Variants in LOXHD1 observed in about 807,000 individuals in gnomAD.
LOXHD1 encodes the protein lipoxygenase homology domain-containing protein 1.
A neutral mutation model predicts 248.2 loss-of-function variants in LOXHD1; 205 were observed. That is an observed-to-expected ratio of 0.83 (90% CI 0.74 to 0.93). The LOEUF is 0.93. Ranked by LOEUF, LOXHD1 falls within the 40% of genes least tolerant of loss-of-function variation. The pLI, the probability that LOXHD1 is intolerant of heterozygous loss-of-function variation, is 0.00. For missense variants in LOXHD1, 2,930 were observed against 2,971.6 expected (o/e 0.99, Z 0.33); for synonymous variants, 1,113 against 1,162.8 (o/e 0.96, Z 0.87).
chr18:46,656,987 A>G lies in LOXHD1; in HGVS notation c.47T>C (p.Leu16Pro). 1.3e-6 allele frequency: 2 copies of G among 1,551,644 alleles called. No homozygotes were observed. The highest frequency in any genetic ancestry group is 1.7e-6 in the Non-Finnish European group (2 of 1,146,948). Residue 16 changes from leucine to proline, a missense_variant, in exon 1 of 41, where the codon CTG becomes CCG. Coordinates refer to ENST00000642948, the MANE Select transcript of LOXHD1 (RefSeq NM_001384474.1). ...CAGCAGCTCCGCTTCGTACAGGGCC[A>G]GGAAGTCGATGTCCTTCTTCCTCCG... ...KRRRKKDIDFLALYEAELLNY... is the reference protein window; with the variant it reads ...KRRRKKDIDFPALYEAELLNY...
intron 20 of LOXHD1, chr18:46,557,875 C>A: frequency 1.7e-6 from 2 of 1,155,246 alleles, no homozygotes; most frequent in Non-Finnish European, 2.1e-6. Flanking sequence ...GCATAATCTG[C>A]TTCAATCACA....
rs1031466610 is a variant in LOXHD1, at chr18:46,507,683, G to A, written c.5547C>T (p.Asp1849=). The change falls in exon 36 of 41, where the codon GAC becomes GAT. Residue 1849 remains aspartate (D), a synonymous_variant. Transcript: ENST00000642948. ...AGTCTCCATAGTAGAACATGGTCAGGTCTCCAGTGTTCATGTTCTTCAGTA... is the reference window on the plus strand; with the variant it reads ...AGTCTCCATAGTAGAACATGGTCAGATCTCCAGTGTTCATGTTCTTCAGTA... ...RILLKNMNTG[D]LTMFYYGDWL... 3.9e-6 allele frequency: 6 copies of A among 1,551,678 alleles called. No individual in the cohort carries two copies. In the African/African-American group the frequency reaches 6.8e-5, roughly 18 times the overall value.
intron 37 of LOXHD1, among the ~76,000 whole-genome samples, chr18:46,502,293 T>G (rs999736594): frequency 6.6e-6 from 1 of 152,142 alleles, no homozygotes; most frequent in Non-Finnish European, 1.5e-5. Flanking sequence ...CTGAAAGGAC[T>G]CTGGAAGGTT....
intron 37 of LOXHD1, among the ~76,000 whole-genome samples, chr18:46,490,692 C>A (rs1218798811): frequency 6.6e-6 from 1 of 152,224 alleles, no homozygotes; most frequent in Admixed American, 6.5e-5. Context: ...TCAGGCTGGT[C>A]TCGAACTCCC....
At chr18:46,579,297 C>T (rs1270553634) in intron 13 of LOXHD1, among the ~76,000 whole-genome samples, 1 of 152,180 alleles carries the variant, frequency 6.6e-6, no homozygotes, top group Non-Finnish European at 1.5e-5. Context: ...GCTCTCTTCT[C>T]AAAGCTCAGG....
intron 4 of LOXHD1, among the ~76,000 whole-genome samples, chr18:46,637,014 T>C (rs1030750818): frequency 2.6e-5 from 4 of 151,954 alleles, no homozygotes; most frequent in Admixed American, 1.3e-4. Context: ...GGTGTGGTGG[T>C]GTACACCTGT....
intron 2 of LOXHD1, 32 bp downstream of exon 2, chr18:46,649,123 C>T (rs939482135): frequency 6.6e-7 from 1 of 1,521,658 alleles, no homozygotes; most frequent in Admixed American, 2.0e-5. Flanking sequence ...ACTAATGGCC[C>T]AGGATCCCAC....
intron 40 of LOXHD1, among the ~76,000 whole-genome samples, chr18:46,478,689 T>C (rs1260645175): frequency 6.6e-6 from 1 of 152,158 alleles, no homozygotes; most frequent in Non-Finnish European, 1.5e-5. Flanking sequence ...TTTTTATGTA[T>C]TTTTAATTTT....
chr18:46,506,134 G>T, intron 36 of LOXHD1, 111 bp from the exon 37 acceptor site: 1 of 1,197,534 alleles, frequency 8.4e-7, no homozygotes, highest in Non-Finnish European at 1.2e-6. Context: ...CAGGTGGACA[G>T]AGTACAGACT....
chr18:46,655,810 C>T (rs903400063), intron 1 of LOXHD1, among the ~76,000 whole-genome samples: 4 of 152,208 alleles, frequency 2.6e-5, no homozygotes, highest in Non-Finnish European at 5.9e-5. Context: ...ACTGTGGCTG[C>T]AAGCCGGACA....
chr18:46,555,938 C>T (rs545046266), intron 21 of LOXHD1, among the ~76,000 whole-genome samples: 18 of 152,220 alleles, frequency 1.2e-4, no homozygotes, highest in Admixed American at 5.9e-4. Flanking sequence ...CAGCAAATTA[C>T]GGCCTTCAGG....
At chr18:46,520,370 G>T (rs2035513447) in intron 33 of LOXHD1, 1 of 466,220 alleles carries the variant, frequency 2.1e-6, no homozygotes, top group African/African-American at 2.0e-5. Flanking sequence ...TAAGGGCTGG[G>T]GCCTTCTGTT....
At chr18:46,643,597 G>A (rs563164334) in intron 2 of LOXHD1, among the ~76,000 whole-genome samples, 93 of 152,196 alleles carry the variant, frequency 6.1e-4, no homozygotes, top group African/African-American at 2.1e-3. Context: ...CCATGCTTTC[G>A]TTCAGAGTCA....
chr18:46,535,220 T>C (rs12327030), intron 26 of LOXHD1, among the ~76,000 whole-genome samples: 48,373 of 152,042 alleles, frequency 0.32, 9,456 homozygotes, highest in East Asian at 0.58. Flanking sequence ...CATTTTGCTC[T>C]GCATTGTATC....
At chr18:46,574,500 G>T (rs2037817522) in intron 14 of LOXHD1, among the ~76,000 whole-genome samples, 2 of 150,586 alleles carry the variant, frequency 1.3e-5, no homozygotes, top group Admixed American at 1.3e-4. Context: ...CTCAGGTGAA[G>T]AAAGAAGCAG....
intron 20 of LOXHD1, chr18:46,559,223 C>T: frequency 6.7e-7 from 1 of 1,494,618 alleles, no homozygotes; most frequent in Non-Finnish European, 8.9e-7. Flanking sequence ...TCCTGTGGGT[C>T]AGCTGGCCCA....
intron 14 of LOXHD1, 81 bp from the exon 15 acceptor site, chr18:46,572,243 C>T: frequency 1.7e-6 from 2 of 1,207,020 alleles, no homozygotes; most frequent in East Asian, 5.1e-5. Context: ...TGCAGAGTCA[C>T]TATGGAGGCC....
Position 46,522,300 on chromosome 18 carries a change from T to C in LOXHD1, c.4886A>G (p.Tyr1629Cys), listed in dbSNP as rs201536647. 1,360 of 1,551,690 alleles carry C rather than the reference T, an allele frequency of 8.8e-4. 20 individuals carry two copies. The South Asian group carries it at 0.015, about 18-fold the overall frequency. Residue 1629 changes from tyrosine to cysteine, a missense_variant, in exon 32 of 41, where the codon TAC (tyrosine) becomes TGC (cysteine). By Grantham distance (194) the Tyr-to-Cys change is radical (BLOSUM62 -2). Transcript: ENST00000642948. ...DYVQEGPIIP[Y>C]YVSVTTGKHK... ...CTTCCCAGTGGTGACTGACACATAG[T>C]AGGGAATAACTGCAAGAGATCACGG...
intron 15 of LOXHD1, among the ~76,000 whole-genome samples, chr18:46,571,183 A>G (rs892667432): frequency 1.3e-5 from 2 of 152,216 alleles, no homozygotes; most frequent in Non-Finnish European, 2.9e-5. Context: ...AAATATCTTT[A>G]GCTGCCGGGT....
Sources: allele counts gnomAD v4.1 joint callset (sites outside exome capture counted in the v4.1 genomes callset), GRCh38; gene constraint gnomAD v4.1.1; transcripts MANE v1.5; gene names NCBI Gene and HGNC (gene_info 2026-07-23, HGNC 2026-07-21).